Variants in CERS3 observed in about 807,000 individuals in gnomAD.
CERS3 encodes LAG1 homolog, ceramide synthase 3.
Under a neutral mutation model 50.3 loss-of-function variants are expected in CERS3, and 33 were observed. The ratio of observed to expected loss-of-function variants is 0.66; its 90% CI spans 0.50 to 0.88. The LOEUF (loss-of-function observed/expected upper bound fraction) is 0.88. Among genes scored for constraint, CERS3 ranks in the 40% least tolerant of loss-of-function variants. The probability of loss-of-function intolerance (pLI) is 0.00; values close to 1 mark genes in which losing one functional copy is unlikely to be tolerated. For missense variants in CERS3, 470 were observed against 460.3 expected, an observed-to-expected ratio of 1.02 and a Z score of -0.19; for synonymous variants, 176 against 155.2, an observed-to-expected ratio of 1.13 and a Z score of -0.99.
chr15:100,482,066 C>T (rs1267504876), intron 5 of CERS3, among the ~76,000 whole-genome samples: 2 of 152,168 alleles, frequency 1.3e-5, no homozygotes, highest in Non-Finnish European at 2.9e-5. Flanking sequence ...CACACAAATG[C>T]TCTTTGGCAT....
At position 100,476,172 on chromosome 15, in the gene CERS3, G is replaced by C; in HGVS notation, c.523C>G (p.Leu175Val). The C allele has an allele frequency of 6.4e-7, 1 of 1,563,274 alleles. No individual in the cohort carries two copies. Among genetic ancestry groups the C allele is most frequent in the Non-Finnish European group, 8.6e-7 (1 of 1,161,438 alleles). The change falls in exon 8 of 12, where the codon CTG becomes GTG. Residue 175 changes from leucine (L) to valine (V), a missense_variant. Leu to Val is a conservative substitution (Grantham distance 32). Coordinates refer to ENST00000679737, the MANE Select transcript of CERS3 (RefSeq NM_001378789.1). ...ATGTAGTACCAGTACTGGGATGGCAGCAGGGGCTGAGGAAAAGAAGAGTAT... is the reference window on the plus strand; with the variant it reads ...ATGTAGTACCAGTACTGGGATGGCACCAGGGGCTGAGGAAAAGAAGAGTAT... ...VWNGYPKQPLLPSQYWYYILE... is the reference protein window; with the variant it reads ...VWNGYPKQPLVPSQYWYYILE...
chr15:100,464,466 C>G (rs975348137), intron 10 of CERS3, among the ~76,000 whole-genome samples: 1 of 152,200 alleles, frequency 6.6e-6, no homozygotes, highest in African/African-American at 2.4e-5. Context: ...CTGTGACAGA[C>G]ACTGAACTCA....
intron 3 of CERS3, among the ~76,000 whole-genome samples, chr15:100,496,274 T>C (rs1167330129): frequency 2.0e-5 from 3 of 152,194 alleles, no homozygotes; most frequent in Non-Finnish European, 2.9e-5. Context: ...TAAAACTGTA[T>C]GCAACACAAA....
chr15:100,428,609 C>A (rs940824721), intron 11 of CERS3, among the ~76,000 whole-genome samples: 8 of 152,208 alleles, frequency 5.3e-5, no homozygotes, highest in Non-Finnish European at 1.2e-4. Flanking sequence ...GTCAAATATC[C>A]TTGAAGGCCA....
chr15:100,430,863 A>C (rs2033095909), intron 11 of CERS3, among the ~76,000 whole-genome samples: 1 of 152,130 alleles, frequency 6.6e-6, no homozygotes, highest in Admixed American at 6.6e-5. Flanking sequence ...AGGCAGTTGC[A>C]TTAAATTTAA....
intron 1 of CERS3, among the ~76,000 whole-genome samples, chr15:100,536,576 T>A (rs1023758627): frequency 6.6e-6 from 1 of 152,224 alleles, no homozygotes; most frequent in Non-Finnish European, 1.5e-5. Flanking sequence ...TGAGCCAGCA[T>A]GACTGGCCTA....
At chr15:100,419,594 T>C (rs1016031677) in intron 11 of CERS3, among the ~76,000 whole-genome samples, 2 of 145,552 alleles carry the variant, frequency 1.4e-5, no homozygotes, top group East Asian at 4.1e-4. Flanking sequence ...AATAGACATC[T>C]ACAGAACTCT....
chr15:100,420,772 T>C (rs2032365725), intron 11 of CERS3, among the ~76,000 whole-genome samples: 1 of 151,850 alleles, frequency 6.6e-6, no homozygotes, highest in Non-Finnish European at 1.5e-5. Flanking sequence ...GCAAGGCTGG[T>C]TCAATATACG....
intron 3 of CERS3, 121 bp from the exon 4 acceptor site, chr15:100,491,052 T>C (rs1330223292): frequency 2.0e-5 from 13 of 639,884 alleles, no homozygotes; most frequent in Non-Finnish European, 3.0e-5. Flanking sequence ...ATGTTGACAC[T>C]GGGGCTACGT....
At position 100,402,815 on chromosome 15, in the gene CERS3, T is replaced by C. The variant is rs775884618; in HGVS notation, c.1050A>G (p.Glu350=). 7.4e-6 allele frequency: 12 copies of C among 1,613,646 alleles called. No individual in the cohort carries two copies. The highest frequency in any genetic ancestry group is 1.3e-5 in the African/African-American group (1 of 75,064). Residue 350 remains glutamate (E), a synonymous_variant, in exon 12 of 12, where the codon GAA becomes GAG. Transcript: ENST00000679737. ...CTTTGGTAGCCTCTTCTTCTTCCTC[T>C]TCCTCTTCCTCTTCATAATCCTCGT... ...SDDEDYEEEE[E]EEEEEATKGK...
At chr15:100,466,642 G>A (rs1176001419) in intron 10 of CERS3, among the ~76,000 whole-genome samples, 3 of 128,356 alleles carry the variant, frequency 2.3e-5, no homozygotes, top group Non-Finnish European at 5.2e-5. Flanking sequence ...CAACTAGAGG[G>A]GCTGTGGGTA....
intron 2 of CERS3, among the ~76,000 whole-genome samples, chr15:100,518,211 G>T (rs562256604): frequency 1.3e-5 from 2 of 152,090 alleles, no homozygotes; most frequent in Non-Finnish European, 2.9e-5. Flanking sequence ...TAGATAGGGG[G>T]TGACAGAGAC....
chr15:100,535,069 T>C (rs1444517786), intron 1 of CERS3, among the ~76,000 whole-genome samples: 1 of 152,186 alleles, frequency 6.6e-6, no homozygotes, highest in Non-Finnish European at 1.5e-5. Flanking sequence ...CCCTACCACC[T>C]TGGGCACATG....
chr15:100,495,265 G>A (rs1428141908), intron 3 of CERS3, among the ~76,000 whole-genome samples: 1 of 152,232 alleles, frequency 6.6e-6, no homozygotes, highest in Non-Finnish European at 1.5e-5. Flanking sequence ...GCTATCCAGA[G>A]ATGGAGAGGG....
intron 1 of CERS3, among the ~76,000 whole-genome samples, chr15:100,523,409 G>A (rs935807314): frequency 4.6e-4 from 70 of 152,104 alleles, no homozygotes; most frequent in African/African-American, 1.6e-3. Context: ...ATTGTATCTT[G>A]TTTAAGAAAT....
intron 2 of CERS3, among the ~76,000 whole-genome samples, chr15:100,510,322 G>C (rs2411828): frequency 0.93 from 141,108 of 152,080 alleles, 65,886 homozygotes; most frequent in Middle Eastern, 0.99. Flanking sequence ...CTGTAATGAA[G>C]AGGAGCAATT....
At chr15:100,494,259 T>G (rs3084746) in intron 3 of CERS3, among the ~76,000 whole-genome samples, 9 of 16,836 alleles carry the variant, frequency 5.3e-4, no homozygotes, top group Non-Finnish European at 1.4e-3. Context: ...ATATATATAT[T>G]TGTTTTGAGA....
rs1302153960 is a variant in CERS3, at chr15:100,456,980, G to A, written c.846-934C>T. On this transcript the variant is annotated intron_variant, in intron 10 of 11. Transcript: ENST00000679737. ...AAAAAAGATATTATTGCCATATGAAGGGCTATTTGTTTATTTCTCAAACTT... is the reference window on the plus strand; with the variant it reads ...AAAAAAGATATTATTGCCATATGAAAGGCTATTTGTTTATTTCTCAAACTT... Among the ~76,000 whole-genome samples the A allele has an allele frequency of 2.7e-5, 4 of 150,454 alleles. No individual in the cohort carries two copies. In the East Asian group the frequency reaches 7.8e-4, roughly 29 times the overall value.
chr15:100,518,610 A>G (rs1274979926), intron 2 of CERS3, among the ~76,000 whole-genome samples: 1 of 152,264 alleles, frequency 6.6e-6, no homozygotes, highest in Non-Finnish European at 1.5e-5. Context: ...ATATGCATTT[A>G]CACAATTTTC....
Sources: gnomAD v4.1 joint callset for allele counts (sites outside exome capture counted in the v4.1 genomes callset) on GRCh38, gnomAD v4.1.1 for gene constraint, MANE v1.5 for transcripts, NCBI Gene and HGNC (gene_info 2026-07-23, HGNC 2026-07-21) for gene names.